DLGAP4: variants seen among roughly 807,000 people sequenced by gnomAD.
DLGAP4 encodes the protein disks large-associated protein 4.
DLGAP4 carries 18 observed loss-of-function variants against 86.9 expected under a neutral mutation model. The ratio of observed to expected loss-of-function variants is 0.21; its 90% CI spans 0.14 to 0.31. The LOEUF (loss-of-function observed/expected upper bound fraction) is 0.31, where lower values mean the gene tolerates loss of function less well. Ranked by LOEUF, DLGAP4 falls within the 10% of genes least tolerant of loss-of-function variation. The pLI is 1.00. For synonymous variants in DLGAP4, 548 were observed against 574.3 expected, an observed-to-expected ratio of 0.95 and a Z score of 0.65; for missense variants, 1,085 against 1,362.6, an observed-to-expected ratio of 0.80 and a Z score of 3.21.
chr20:36,357,839 G>A (rs1385970424), intron 1 of DLGAP4, among the ~76,000 whole-genome samples: 2 of 152,238 alleles, frequency 1.3e-5, no homozygotes, highest in South Asian at 2.1e-4. Flanking sequence ...CAAGTGGGAC[G>A]GGAGGAGACC....
At chr20:36,488,989 A>T (rs961681052) in intron 7 of DLGAP4, among the ~76,000 whole-genome samples, 2 of 152,248 alleles carry the variant, frequency 1.3e-5, no homozygotes, top group African/African-American at 4.8e-5. Flanking sequence ...GGGACATCAC[A>T]GCCTTCTTGC....
intron 10 of DLGAP4, among the ~76,000 whole-genome samples, chr20:36,519,020 G>A (rs547476572): frequency 4.0e-4 from 61 of 152,056 alleles, no homozygotes; most frequent in Non-Finnish European, 7.6e-4. Context: ...GGGAGACTGA[G>A]GCAGGAGAAT....
chr20:36,420,761 G>A (rs1224682273), intron 2 of DLGAP4, among the ~76,000 whole-genome samples: 1 of 152,052 alleles, frequency 6.6e-6, no homozygotes, highest in African/African-American at 2.4e-5. Context: ...ATCACCTGAG[G>A]TCGGGAGTTC....
chr20:36,504,452 A>G (rs2147788707), intron 10 of DLGAP4, among the ~76,000 whole-genome samples: 1 of 152,262 alleles, frequency 6.6e-6, no homozygotes, highest in South Asian at 2.1e-4. Flanking sequence ...CCTTTTGGCT[A>G]TTGTGAGTAA....
intron 1 of DLGAP4, among the ~76,000 whole-genome samples, chr20:36,362,021 G>A (rs1252828263): frequency 1.3e-5 from 2 of 150,940 alleles, no homozygotes; most frequent in Admixed American, 6.6e-5. Context: ...GCCAGCCATG[G>A]TGGCTCACAC....
intron 1 of DLGAP4, among the ~76,000 whole-genome samples, chr20:36,312,665 C>A (rs2147332863): frequency 6.6e-6 from 1 of 152,334 alleles, no homozygotes; most frequent in East Asian, 1.9e-4. Context: ...TAGCACTGCA[C>A]TGGGACTCAA....
rs1426179009 is a variant in DLGAP4, at chr20:36,416,919, T to C, written c.-72-14727T>C. On this transcript the variant is annotated intron_variant, in intron 2 of 12. Coordinates refer to ENST00000339266, the MANE Select transcript of DLGAP4 (RefSeq NM_001365621.2). ...CCCTTTGAGGCTCTGTCTGACTACCTCATTCATTGAACAAGTGTTGATTGT... is the reference window on the plus strand; with the variant it reads ...CCCTTTGAGGCTCTGTCTGACTACCCCATTCATTGAACAAGTGTTGATTGT... Among the ~76,000 whole-genome samples, 9 of 152,264 alleles carry C rather than the reference T, an allele frequency of 5.9e-5. No homozygotes were observed. The East Asian group carries it at 1.7e-3, about 29-fold the overall frequency.
At chr20:36,370,029 C>T (rs1453922917) in intron 2 of DLGAP4, among the ~76,000 whole-genome samples, 3 of 152,108 alleles carry the variant, frequency 2.0e-5, no homozygotes, top group Non-Finnish European at 2.9e-5. Context: ...GTGCAAGGAT[C>T]GGGGTCCAGG....
Position 36,528,077 on chromosome 20 carries a change from C to T in DLGAP4, c.*1046C>T, listed in dbSNP as rs533389768. ...TGAATAGCATATATTTTTACATGTA[C>T]TATATCTAGGTGTGTGTACAAGTGT... On this transcript the variant is annotated 3_prime_UTR_variant, in exon 13 of 13. Coordinates refer to ENST00000339266, the MANE Select transcript of DLGAP4 (RefSeq NM_001365621.2). 6.6e-6 allele frequency: 1 copy of T among 152,496 alleles called. No individual in the cohort carries two copies. Among genetic ancestry groups the T allele is most frequent in the East Asian group, 1.9e-4 (1 of 5,168 alleles). The allele number at this position is 152,496 out of a possible 1,614,324, so 9.4% of individuals were successfully genotyped here.
At chr20:36,481,120 A>G (rs1412729971) in intron 7 of DLGAP4, among the ~76,000 whole-genome samples, 2 of 152,122 alleles carry the variant, frequency 1.3e-5, no homozygotes, top group Admixed American at 1.3e-4. Context: ...GGAATCTTAA[A>G]AGTCACACCC....
chr20:36,325,260 G>A (rs2065205124), intron 1 of DLGAP4, among the ~76,000 whole-genome samples: 1 of 152,018 alleles, frequency 6.6e-6, no homozygotes, highest in South Asian at 2.1e-4. Flanking sequence ...AATATTTGAG[G>A]ATTTTTCAGG....
In DLGAP4 at chr20:36,396,438, C is replaced by CCA. The variant is rs756074731; in HGVS notation, c.-73+29174_-73+29175dup. ...ACACACACACACCACATACACACAC[C>CCA]CACACACACACATCACATGCACACA... On this transcript the variant is annotated intron_variant, in intron 2 of 12. Coordinates refer to ENST00000339266, the MANE Select transcript of DLGAP4 (RefSeq NM_001365621.2). Among the ~76,000 whole-genome samples the CCA allele has an allele frequency of 9.7e-5, 6 of 62,104 alleles. No homozygotes were observed. The South Asian group carries it at 3.5e-3, about 36-fold the overall frequency. 40.7% of individuals were successfully genotyped at this position (62,104 alleles called of 152,430 possible). A position where few individuals can be genotyped will look rare whatever the true frequency, so the allele number is the denominator to read the frequency against.
At chr20:36,497,251 A>C in intron 8 of DLGAP4, 185 bp downstream of exon 8, 1 of 985,300 alleles carries the variant, frequency 1.0e-6, no homozygotes, top group Non-Finnish European at 1.2e-6. Context: ...GTATCTGTCC[A>C]CACGTGCTGC....
At chr20:36,457,143 G>A (rs1206455259) in intron 7 of DLGAP4, among the ~76,000 whole-genome samples, 3 of 152,176 alleles carry the variant, frequency 2.0e-5, no homozygotes, top group Admixed American at 6.5e-5. Flanking sequence ...TGGGAGTGGT[G>A]GCAGAGTGCA....
At chr20:36,522,234 A>G (rs979266377) in intron 10 of DLGAP4, among the ~76,000 whole-genome samples, 2 of 152,122 alleles carry the variant, frequency 1.3e-5, no homozygotes, top group Non-Finnish European at 2.9e-5. Context: ...AGTTCACTGC[A>G]GCCTTGAAAC....
At chr20:36,511,967 A>G (rs538412927) in intron 10 of DLGAP4, among the ~76,000 whole-genome samples, 10 of 152,042 alleles carry the variant, frequency 6.6e-5, no homozygotes, top group Middle Eastern at 3.4e-3. Flanking sequence ...CCGGCAACCA[A>G]GAGAATCCAA....
intron 7 of DLGAP4, among the ~76,000 whole-genome samples, chr20:36,466,971 TCTC>T (rs564482363): frequency 6.9e-5 from 10 of 145,168 alleles, no homozygotes; most frequent in Non-Finnish European, 1.2e-4. Flanking sequence ...TCTCTGTCTC[TCTC>T]CTCTCTCTCT....
chr20:36,377,849 AC>A (rs930802990), intron 2 of DLGAP4, among the ~76,000 whole-genome samples: 1 of 152,222 alleles, frequency 6.6e-6, no homozygotes, highest in African/African-American at 2.4e-5. Flanking sequence ...TTCCAGACAG[AC>A]GCTGGAATCA....
chr20:36,457,112 T>C (rs1276926741), intron 7 of DLGAP4, among the ~76,000 whole-genome samples: 2 of 152,168 alleles, frequency 1.3e-5, no homozygotes, highest in Non-Finnish European at 2.9e-5. Flanking sequence ...TTGTTGGTAG[T>C]TGGCACAGCA....
Sources: gnomAD v4.1 joint callset for allele counts (sites outside exome capture counted in the v4.1 genomes callset) on GRCh38, gnomAD v4.1.1 for gene constraint, MANE v1.5 for transcripts, NCBI Gene and HGNC (gene_info 2026-07-23, HGNC 2026-07-21) for gene names.